Variants in COPS7A observed in about 807,000 individuals in gnomAD.
The protein encoded by COPS7A is COP9 signalosome subunit 7A.
A neutral mutation model predicts 35.2 loss-of-function variants in COPS7A; 20 were observed. The ratio of observed to expected loss-of-function variants is 0.57; its 90% confidence interval spans 0.40 to 0.83. COPS7A has a LOEUF of 0.83. Ranked by LOEUF, COPS7A falls within the 40% of genes least tolerant of loss-of-function variation. The pLI is 0.00. For synonymous variants in COPS7A, 139 were observed against 141.4 expected (o/e 0.98, Z 0.12); for missense variants, 247 against 347.5 (o/e 0.71, Z 2.30).
At chr12:6,724,910 A>C (rs1023942973) in intron 2 of COPS7A, 92 bp downstream of exon 2, 4 of 1,356,622 alleles carry the variant, frequency 2.9e-6, no homozygotes, top group Non-Finnish European at 4.1e-6. Flanking sequence ...TGATCCAATA[A>C]CCATTCAGTT....
In COPS7A at chr12:6,727,943, T is replaced by C. The variant is rs771651051; in HGVS notation, c.180T>C (p.Phe60=). 14 of 1,614,208 alleles carry C rather than the reference T, an allele frequency of 8.7e-6. No individual in the cohort carries two copies. The highest frequency in any genetic ancestry group is 1.1e-5 in the Non-Finnish European group (13 of 1,180,034). The stretch of plus-strand genomic sequence containing the variant: ...TCTCGCAGCTGGCTGAGAGTGACTT[T>C]GCCTCTACCTTCCGGCTGCTCACAG... ...PNVRELAESD[F]ASTFRLLTVF... is the part of the protein sequence containing the mutation. Residue 60 remains phenylalanine (F), a synonymous_variant, in exon 3 of 8, where the codon TTT becomes TTC. Coordinates refer to ENST00000543155, the MANE Select transcript of COPS7A (RefSeq NM_001164094.2).
chr12:6,725,803 C>T, intron 2 of COPS7A: 1 of 456,120 alleles, frequency 2.2e-6, no homozygotes, highest in Non-Finnish European at 4.4e-6. Context: ...TGTGGTTTAA[C>T]CTTTTGGATC....
At chr12:6,725,740 C>T (rs931079056) in intron 2 of COPS7A, 1 of 456,038 alleles carries the variant, frequency 2.2e-6, no homozygotes, top group Non-Finnish European at 4.4e-6. Flanking sequence ...CAGCCTGAGT[C>T]CTGACATGCT....
At position 6,730,456 on chromosome 12, in the gene COPS7A, C is replaced by A. The variant is rs563126116; in HGVS notation, c.585C>A (p.Ala195=). Residue 195 remains alanine, a synonymous_variant, in exon 6 of 8, where the codon GCC becomes GCA. Transcript: ENST00000543155. ...LSGIEEQVSR[A]NQHKEQQLGL... ...GCATTGAGGAGCAGGTGAGCCGTGC[C>A]AACCAACACAAGGAGCAGCAGCTGG... 5 of 1,614,114 alleles carry A rather than the reference C, an allele frequency of 3.1e-6. No homozygotes were observed. In the South Asian group the frequency reaches 5.5e-5, roughly 18 times the overall value.
Position 6,731,402 on chromosome 12 carries a change from T to G in COPS7A, c.*363T>G. 1 of 1,115,292 alleles carries G rather than the reference T, an allele frequency of 9.0e-7. No homozygotes were observed. Among genetic ancestry groups the G allele is most frequent in the Non-Finnish European group, 1.2e-6 (1 of 850,662 alleles). The allele number at this position is 1,115,292 out of a possible 1,614,324, so 69.1% of individuals were successfully genotyped here. ...GAGCATAACCCACAGGCGTTTTTTCTGCCACCCCATCCCTGCATGCCTGAT... is the reference window on the plus strand; with the variant it reads ...GAGCATAACCCACAGGCGTTTTTTCGGCCACCCCATCCCTGCATGCCTGAT... On this transcript the variant is annotated 3_prime_UTR_variant, in exon 8 of 8. Coordinates refer to ENST00000543155, the MANE Select transcript of COPS7A (RefSeq NM_001164094.2).
At chr12:6,724,405 T>G (rs562982184) in intron 1 of COPS7A, 3 of 567,818 alleles carry the variant, frequency 5.3e-6, no homozygotes, top group East Asian at 7.1e-5. Context: ...GTGATGGGGC[T>G]TGGGGTTAGG....
In COPS7A at chr12:6,731,004, C is replaced by T. The variant is rs151177416; in HGVS notation, c.793C>T (p.Arg265Ter). ...SKKASKGKGL[R>*]GSAKIWSKSN ...TCTCTCTCTTCTCCTTGCCAGGCTC[C>T]GAGGGAGCGCCAAGATTTGGTCCAA... Residue 265 changes from arginine to a stop codon, truncating the protein, a stop_gained, in exon 8 of 8, where the codon CGA becomes TGA. Transcript: ENST00000543155. LOFTEE classifies it high-confidence loss of function. 1.2e-6 allele frequency: 2 copies of T among 1,613,508 alleles called. No homozygotes were observed. The highest frequency in any genetic ancestry group is 1.7e-6 in the Non-Finnish European group (2 of 1,179,680).
At position 6,731,281 on chromosome 12, in the gene COPS7A, G is replaced by GCTC. The variant is rs1169583370; in HGVS notation, c.*243_*245dup. The GCTC allele has an allele frequency of 2.1e-6, 3 of 1,437,590 alleles. No homozygotes were observed. The highest frequency in any genetic ancestry group is 2.7e-6 in the Non-Finnish European group (3 of 1,099,080). 89.1% of individuals were successfully genotyped at this position (1,437,590 alleles called of 1,614,324 possible). ...GTGTTCCATTGCTCCCCGCTGCCAT[G>GCTC]CTCTCTCCCTTGTTTCCTTAAGAGC... is the stretch of plus-strand genomic sequence containing the variant. On this transcript the variant is annotated 3_prime_UTR_variant, in exon 8 of 8. Transcript: ENST00000543155.
intron 7 of COPS7A, 44 bp downstream of exon 7, chr12:6,730,864 C>T: frequency 6.2e-7 from 1 of 1,609,208 alleles, no homozygotes; most frequent in Non-Finnish European, 8.5e-7. Flanking sequence ...GGGTGCCCTG[C>T]TTTTACCCCA....
chr12:6,729,163 C>T lies in COPS7A; in HGVS notation c.328-84C>T, dbSNP rs558311205. ...GGAGTGGAGGGCAGGTGGGCTAGGG[C>T]AGGGGGAAAAGGAGGGAAGATTTTT... On this transcript the variant is annotated intron_variant, in intron 4 of 7. Transcript: ENST00000543155. This position sits in a 1 kb window ranked among gnomAD's most constrained non-coding sequence, Gnocchi z 4.2. The T allele has an allele frequency of 7.0e-7, 1 of 1,420,890 alleles. No individual in the cohort carries two copies. The allele number at this position is 1,420,890 out of a possible 1,614,324, so 88.0% of individuals were successfully genotyped here.
At chr12:6,730,080 A>C (rs947405493) in intron 5 of COPS7A, among the ~76,000 whole-genome samples, 1 of 152,174 alleles carries the variant, frequency 6.6e-6, no homozygotes, top group Non-Finnish European at 1.5e-5. Context: ...CAGTGGCACC[A>C]TCTTGACTCA....
chr12:6,725,745 CA>C, intron 2 of COPS7A: 1 of 456,054 alleles, frequency 2.2e-6, no homozygotes, highest in South Asian at 1.5e-5. Context: ...TGAGTCCTGA[CA>C]TGCTGACAGT....
rs1215205178 is a variant in COPS7A at position 6,729,427 on chromosome 12, A to G, written c.508A>G (p.Ile170Val). 3.1e-6 allele frequency: 5 copies of G among 1,613,934 alleles called. No homozygotes were observed. Among genetic ancestry groups the G allele is most frequent in the Non-Finnish European group, 4.2e-6 (5 of 1,180,028 alleles). Residue 170 changes from isoleucine to valine, a missense_variant, in exon 5 of 8, where the codon ATT (isoleucine) becomes GTT (valine). Coordinates refer to ENST00000543155, the MANE Select transcript of COPS7A (RefSeq NM_001164094.2). The surrounding 1 kb of genome is among the most constrained non-coding windows in gnomAD (Gnocchi z 4.2). ...RDIQRQDLSA[I>V]ARTLQEWCVG... is the part of the protein sequence containing the mutation. ...CATCCAGCGCCAGGACCTCAGTGCC[A>G]TTGCCCGAACCCTGCAGGAATGGTG...
At chr12:6,727,765 G>A (rs1941293929) in intron 2 of COPS7A, 161 bp from the exon 3 acceptor site, 1 of 715,234 alleles carries the variant, frequency 1.4e-6, no homozygotes, top group Non-Finnish European at 2.5e-6. Context: ...CCCTTCCTAT[G>A]TGAAGAGTGA....
chr12:6,727,032 T>G (rs927908328), intron 2 of COPS7A, among the ~76,000 whole-genome samples: 1 of 152,146 alleles, frequency 6.6e-6, no homozygotes, highest in Non-Finnish European at 1.5e-5. Context: ...CTGCAAGGAT[T>G]GATTGATTAA....
intron 2 of COPS7A, among the ~76,000 whole-genome samples, chr12:6,725,180 G>A (rs1157747050): frequency 1.4e-5 from 2 of 144,904 alleles, no homozygotes. Context: ...TTTTTGAGAC[G>A]GAGTCTTGCT....
intron 5 of COPS7A, 94 bp from the exon 6 acceptor site, chr12:6,730,308 C>T (rs141440680): frequency 3.4e-5 from 40 of 1,167,312 alleles, no homozygotes; most frequent in East Asian, 2.3e-4. Flanking sequence ...TGAGCTACTG[C>T]GCCCTGCCTC....
intron 2 of COPS7A, among the ~76,000 whole-genome samples, chr12:6,726,488 G>A (rs950996336): frequency 1.6e-4 from 25 of 151,978 alleles, no homozygotes; most frequent in Non-Finnish European, 2.9e-4. Context: ...TGTAATCCCA[G>A]CTACTCGGGA....
intron 2 of COPS7A, chr12:6,727,537 A>G: frequency 2.6e-6 from 1 of 385,410 alleles, no homozygotes; most frequent in Non-Finnish European, 5.1e-6. Flanking sequence ...TGAATTGGGG[A>G]GTACTGGAGA....
Sources: gnomAD v4.1 joint callset for allele counts (sites outside exome capture counted in the v4.1 genomes callset) on GRCh38, gnomAD v4.1.1 for gene constraint, Gnocchi (gnomAD v3.1) non-coding constraint, MANE v1.5 for transcripts, NCBI Gene and HGNC (gene_info 2026-07-23, HGNC 2026-07-21) for gene names.